Variants in SACS observed in about 807,000 individuals in gnomAD.
SACS encodes the protein sacsin molecular chaperone, also known as sacsin.
SACS carries 197 observed loss-of-function variants against 348.0 expected under a neutral mutation model. The observed-to-expected ratio is 0.57, with a 90% CI of 0.50 to 0.64. SACS has a LOEUF of 0.64. Among genes scored for constraint, SACS ranks in the 30% least tolerant of loss-of-function variants. SACS has a pLI of 0.00. For synonymous variants in SACS, 1,985 were observed against 1,910.6 expected, an observed-to-expected ratio of 1.04 and a Z score of -1.02; for missense variants, 4,999 against 5,360.8, an observed-to-expected ratio of 0.93 and a Z score of 2.11.
chr13:23,415,183 C>T (rs1375376021), intron 1 of SACS, among the ~76,000 whole-genome samples: 1 of 152,062 alleles, frequency 6.6e-6, no homozygotes, highest in Non-Finnish European at 1.5e-5. Flanking sequence ...AGGCATGCAC[C>T]ACTATGCCTG....
intron 9 of SACS, among the ~76,000 whole-genome samples, chr13:23,347,268 A>G (rs888020722): frequency 7.2e-5 from 11 of 151,952 alleles, no homozygotes; most frequent in African/African-American, 2.7e-4. Flanking sequence ...TGTACAATTA[A>G]TTCCAACTTT....
rs755049727 is a variant in SACS at position 23,354,900 on chromosome 13, C to T, written c.1712G>A (p.Arg571Lys). ...VIYSISCDWVRLEQVYFSELD... is the reference protein window; with the variant it reads ...VIYSISCDWVKLEQVYFSELD... ...TTCTGAGAAGTACACCTGCTCCAAC[C>T]TGACCCAGTCACAGCTAATTGAATA... The change falls in exon 8 of 10, where the codon AGG becomes AAG. Residue 571 changes from arginine to lysine, a missense_variant. By Grantham distance (26) the Arg-to-Lys change is conservative. Around this residue, in one of 6 missense-constraint regions of SACS, gnomAD observed 3,156 missense variants for 3,380.1 expected, o/e 0.93. Transcript: ENST00000382292. 2 of 1,614,214 alleles carry T rather than the reference C, an allele frequency of 1.2e-6. 1 individual carries two copies. Among genetic ancestry groups the T allele is most frequent in the South Asian group, 2.2e-5 (2 of 91,092 alleles).
At chr13:23,408,938 G>A (rs1326482010) in intron 2 of SACS, among the ~76,000 whole-genome samples, 1 of 129,932 alleles carries the variant, frequency 7.7e-6, no homozygotes. Flanking sequence ...CTCCAGCCTG[G>A]GCGACAGAGC....
intron 2 of SACS, among the ~76,000 whole-genome samples, chr13:23,404,268 A>G (rs1873110520): frequency 6.6e-6 from 1 of 152,196 alleles, no homozygotes; most frequent in Non-Finnish European, 1.5e-5. Context: ...CTGGTTCAAC[A>G]TACGCAAATC....
chr13:23,405,530 C>T (rs935621374), intron 2 of SACS, among the ~76,000 whole-genome samples: 3 of 152,116 alleles, frequency 2.0e-5, no homozygotes, highest in Non-Finnish European at 2.9e-5. Context: ...AAAGCAATGG[C>T]AATCGAAGCC....
Position 23,354,732 on chromosome 13 carries a change from G to A in SACS, c.1880C>T (p.Thr627Met), listed in dbSNP as rs370893484. Reference protein sequence around the residue: ...ASGTTPVRKVTPAWVRQVLRK... With the variant: ...ASGTTPVRKVMPAWVRQVLRK... ...CAGCACCTGCCGCACCCACGCGGGCGTCACCTTCCTCACAGGTGTTGTGCC... is the reference window on the plus strand; with the variant it reads ...CAGCACCTGCCGCACCCACGCGGGCATCACCTTCCTCACAGGTGTTGTGCC... Residue 627 changes from threonine to methionine, a missense_variant, in exon 8 of 10, where the codon ACG (threonine) becomes ATG (methionine). This residue lies in a region of SACS where 3,156 missense variants were observed against 3,380.1 expected (regional missense o/e 0.93). Coordinates refer to ENST00000382292, the MANE Select transcript of SACS (RefSeq NM_014363.6). The A allele has an allele frequency of 2.4e-5, 39 of 1,613,456 alleles. No homozygotes were observed. The highest frequency in any genetic ancestry group is 2.0e-4 in the South Asian group (18 of 91,038).
rs1883367043 is a variant in SACS, at chr13:23,330,032, T to A, written c.*104A>T. On this transcript the variant is annotated 3_prime_UTR_variant, in exon 10 of 10. Transcript: ENST00000382292. ...AATTCTCCAAGAACAATCTGCAATG[T>A]GCTTAACAATTCCTAGCTAATTGGC... 1.9e-6 allele frequency: 2 copies of A among 1,029,228 alleles called. No homozygotes were observed. Among genetic ancestry groups the A allele is most frequent in the South Asian group, 2.8e-5 (2 of 72,370 alleles). The allele number at this position is 1,029,228 out of a possible 1,614,324, so 63.8% of individuals were successfully genotyped here. A position where few individuals can be genotyped will look rare whatever the true frequency, so the allele number is the denominator to read the frequency against.
chr13:23,353,912 T>C (rs1324180870), intron 8 of SACS, 36 bp from the exon 9 acceptor site: 1 of 1,127,378 alleles, frequency 8.9e-7, no homozygotes, highest in Middle Eastern at 1.9e-4. Context: ...ATCATAATCT[T>C]CCCACAATTC....
At chr13:23,409,041 T>TTTTTTTTTTTTTGTTTG (rs1873363649) in intron 2 of SACS, among the ~76,000 whole-genome samples, 4 of 8,458 alleles carry the variant, frequency 4.7e-4, no homozygotes, top group African/African-American at 1.3e-3. Flanking sequence ...CAAGTTTTAC[T>TTTTTTTTTTTTTGTTTG]TTTTTTTTTT....
At chr13:23,350,826 G>A (rs898732319) in intron 9 of SACS, among the ~76,000 whole-genome samples, 1 of 152,126 alleles carries the variant, frequency 6.6e-6, no homozygotes, top group African/African-American at 2.4e-5. Context: ...CATACCACCA[G>A]AAAGCAAGAT....
chr13:23,353,729 A>T lies in SACS; in HGVS notation c.2185+56T>A, dbSNP rs59924077. ...CTAAAATGAATAACAGAAAACTTTT[A>T]AAAAACTTGTATTTTTATATAGAAG... is the stretch of plus-strand genomic sequence containing the variant. On this transcript the variant is annotated intron_variant, in intron 9 of 9. Coordinates refer to ENST00000382292, the MANE Select transcript of SACS (RefSeq NM_014363.6). 1,604 of 1,027,090 alleles carry T rather than the reference A, an allele frequency of 1.6e-3. 16 individuals carry two copies. The African/African-American group carries it at 0.023, about 15-fold the overall frequency. 63.6% of individuals were successfully genotyped at this position (1,027,090 alleles called of 1,614,324 possible). A position where few individuals can be genotyped will look rare whatever the true frequency, so the allele number is the denominator to read the frequency against.
rs376433767 is a variant in SACS at position 23,334,400 on chromosome 13, A to G, written c.9476T>C (p.Leu3159Pro). The change falls in exon 10 of 10, where the codon CTG becomes CCG. Residue 3159 changes from leucine (L) to proline (P), a missense_variant. By Grantham distance (98) the Leu-to-Pro change is moderately conservative (BLOSUM62 -3). Transcript: ENST00000382292. ...ATCAAAAGTTTGCAAAACACTGTCC[A>G]GTGTGATGAGAAGGGGCAATCCCTC... ...EVEGLPLLIT[L>P]DSVLQTFDAK... is the part of the protein sequence containing the mutation. 6 of 1,613,256 alleles carry G rather than the reference A, an allele frequency of 3.7e-6. No individual in the cohort carries two copies. The African/African-American group carries it at 5.3e-5, about 14-fold the overall frequency.
Position 23,339,693 on chromosome 13 carries a change from T to A in SACS, c.4183A>T (p.Ile1395Phe). Residue 1395 changes from isoleucine to phenylalanine, a missense_variant, in exon 10 of 10, where the codon ATT becomes TTT. By Grantham distance (21) the Ile-to-Phe change is conservative. Around this residue, in one of 6 missense-constraint regions of SACS, gnomAD observed 3,156 missense variants for 3,380.1 expected, o/e 0.93. Transcript: ENST00000382292. ...ATGTCACAATAACAGCATTCGTGAA[T>A]TGGCTTCATGATAAGTTTAGAAGGA... is the stretch of plus-strand genomic sequence containing the variant. ...KNPSKLIMKP[I>F]HECCYCDIKV... 6.2e-7 allele frequency: 1 copy of A among 1,614,086 alleles called. No homozygotes were observed. Among genetic ancestry groups the A allele is most frequent in the Non-Finnish European group, 8.5e-7 (1 of 1,179,980 alleles).
intron 2 of SACS, among the ~76,000 whole-genome samples, chr13:23,410,621 G>T (rs1302706570): frequency 6.6e-6 from 1 of 151,910 alleles, no homozygotes. Context: ...AGAGTATTTT[G>T]TTATGCTTAA....
chr13:23,375,969 G>GT (rs1871779612), intron 2 of SACS, among the ~76,000 whole-genome samples: 1 of 152,092 alleles, frequency 6.6e-6, no homozygotes, highest in Non-Finnish European at 1.5e-5. Context: ...AGCATCTCCA[G>GT]TAAGATCTAT....
rs1871649200 is a variant in SACS at position 23,375,000 on chromosome 13, C to A, written c.171+119G>T. On this transcript the variant is annotated intron_variant, in intron 3 of 9. Coordinates refer to ENST00000382292, the MANE Select transcript of SACS (RefSeq NM_014363.6). The stretch of plus-strand genomic sequence containing the variant: ...ACAACTCAGGACAAGCACAGGCGGC[C>A]ACGCTGCCGGAGTCATTCGCGCCGC... 5.8e-6 allele frequency: 6 copies of A among 1,037,432 alleles called. No homozygotes were observed. In the East Asian group the frequency reaches 2.0e-4, roughly 35 times the overall value. 64.3% of individuals were successfully genotyped at this position (1,037,432 alleles called of 1,614,324 possible). A position where few individuals can be genotyped will look rare whatever the true frequency, so the allele number is the denominator to read the frequency against.
intron 1 of SACS, chr13:23,427,672 C>G (rs1375994011): frequency 6.6e-6 from 1 of 152,218 alleles, no homozygotes; most frequent in Non-Finnish European, 1.5e-5. Context: ...AGCTAAACGC[C>G]GCCCTTTGGC....
At chr13:23,426,149 G>A (rs1323642299) in intron 1 of SACS, among the ~76,000 whole-genome samples, 2 of 152,148 alleles carry the variant, frequency 1.3e-5, no homozygotes, top group Non-Finnish European at 2.9e-5. Flanking sequence ...ACGACTGAGT[G>A]CCTGACACAA....
chr13:23,375,985 C>T (rs1294723662), intron 2 of SACS, among the ~76,000 whole-genome samples: 8 of 152,100 alleles, frequency 5.3e-5, no homozygotes, highest in Admixed American at 5.2e-4. Context: ...TCTATAGTGG[C>T]CTCCGAGAAG....
Sources: gnomAD v4.1 joint callset for allele counts (sites outside exome capture counted in the v4.1 genomes callset) on GRCh38, gnomAD v4.1.1 for gene constraint, gnomAD v4.1.1 regional missense constraint, MANE v1.5 for transcripts, NCBI Gene and HGNC (gene_info 2026-07-23, HGNC 2026-07-21) for gene names.